OPRM1: variants seen among roughly 807,000 people sequenced by gnomAD.
OPRM1 encodes the protein opioid receptor mu 1.
A neutral mutation model predicts 31.8 loss-of-function variants in OPRM1; 27 were observed. The ratio of observed to expected loss-of-function variants is 0.85; its 90% confidence interval spans 0.63 to 1.17. OPRM1 has a LOEUF of 1.17. Ranked by LOEUF, OPRM1 falls within the 50% of genes most tolerant of loss-of-function variation. The probability of loss-of-function intolerance (pLI) is 0.00; values close to 1 mark genes in which losing one functional copy is unlikely to be tolerated. For missense variants in OPRM1, 536 were observed against 511.1 expected (o/e 1.05, Z -0.47); for synonymous variants, 196 against 189.9 (o/e 1.03, Z -0.26).
At chr6:154,054,987 G>T (rs572982610) in intron 1 of OPRM1, among the ~76,000 whole-genome samples, 1 of 152,302 alleles carries the variant, frequency 6.6e-6, no homozygotes, top group African/African-American at 2.4e-5. Flanking sequence ...AATCTCATTA[G>T]TTAAACCTTA....
At chr6:154,099,452 G>C (rs1794076545) in intron 3 of OPRM1, among the ~76,000 whole-genome samples, 1 of 76,330 alleles carries the variant, frequency 1.3e-5, no homozygotes, top group African/African-American at 4.8e-5. Context: ...AAGAAAGAAA[G>C]AGAGAAAGAA....
intron 3 of OPRM1, among the ~76,000 whole-genome samples, chr6:154,100,143 AT>A (rs1397471811): frequency 1.0e-5 from 1 of 99,574 alleles, no homozygotes; most frequent in Non-Finnish European, 1.9e-5. Context: ...TATAATATAT[AT>A]TATCATATTA....
chr6:154,183,761 T>C (rs781206921), intron 3 of OPRM1, among the ~76,000 whole-genome samples: 76 of 151,826 alleles, frequency 5.0e-4, no homozygotes, highest in Non-Finnish European at 9.6e-4. Context: ...TAGCCAGGTG[T>C]AGTGCATGCC....
intron 3 of OPRM1, among the ~76,000 whole-genome samples, chr6:154,208,752 C>A (rs1441816895): frequency 1.3e-5 from 2 of 152,172 alleles, no homozygotes; most frequent in Non-Finnish European, 2.9e-5. Context: ...CACTTTGTAG[C>A]TTATAAAATT....
chr6:154,108,928 A>C (rs1796007243), intron 3 of OPRM1: 1 of 985,026 alleles, frequency 1.0e-6, no homozygotes, highest in Non-Finnish European at 1.2e-6. Flanking sequence ...CCAACTATAG[A>C]AACATAGAAT....
intron 3 of OPRM1, among the ~76,000 whole-genome samples, chr6:154,183,585 T>C (rs544368073): frequency 5.1e-4 from 78 of 152,308 alleles, no homozygotes; most frequent in African/African-American, 1.7e-3. Flanking sequence ...ATGTTCTAAC[T>C]ACCATACTGA....
At chr6:154,034,571 A>T (rs951384038), upstream of OPRM1, among the ~76,000 whole-genome samples, 3 of 152,038 alleles carry the variant, frequency 2.0e-5, no homozygotes, top group Non-Finnish European at 4.4e-5. Context: ...AAATAAAATA[A>T]AATATAATGA....
At chr6:154,142,447 G>C (rs1430396210) in intron 3 of OPRM1, among the ~76,000 whole-genome samples, 2 of 152,194 alleles carry the variant, frequency 1.3e-5, no homozygotes, top group East Asian at 3.9e-4. Flanking sequence ...CCTCAGGCGA[G>C]CATGTGTACA....
intron 3 of OPRM1, among the ~76,000 whole-genome samples, chr6:154,152,330 A>AGGAAGGAAG (rs373911988): frequency 2.2e-5 from 1 of 44,938 alleles, no homozygotes; most frequent in South Asian, 1.0e-3. Flanking sequence ...AAAGAAAGAA[A>AGGAAGGAAG]GAAAGAAAGA....
chr6:154,092,075 TG>T, intron 3 of OPRM1: 9 of 235,524 alleles, frequency 3.8e-5, no homozygotes, highest in Non-Finnish European at 6.2e-5. Flanking sequence ...ATTATTAATA[TG>T]TGAATATTAA....
At chr6:154,072,643 A>C (rs1050917212) in intron 1 of OPRM1, among the ~76,000 whole-genome samples, 2 of 152,248 alleles carry the variant, frequency 1.3e-5, no homozygotes, top group Non-Finnish European at 2.9e-5. Context: ...ACATTAGTTT[A>C]TGAAAATGAC....
intron 3 of OPRM1, among the ~76,000 whole-genome samples, chr6:154,142,386 A>C (rs1798241315): frequency 3.3e-5 from 3 of 92,246 alleles, no homozygotes; most frequent in Admixed American, 2.4e-4. Flanking sequence ...TTAAGAGGCA[A>C]AATGGGTAGT....
At chr6:154,085,021 C>G (rs540358398) in intron 1 of OPRM1, among the ~76,000 whole-genome samples, 1 of 152,028 alleles carries the variant, frequency 6.6e-6, no homozygotes, top group African/African-American at 2.4e-5. Context: ...AACTGAGACA[C>G]GATCACCACA....
chr6:154,200,912 T>C (rs1275880505), intron 3 of OPRM1, among the ~76,000 whole-genome samples: 1 of 152,062 alleles, frequency 6.6e-6, no homozygotes, highest in South Asian at 2.1e-4. Flanking sequence ...AAATCTCACC[T>C]CGAATTGTAA....
At chr6:154,075,450 CA>C (rs1217233769) in intron 1 of OPRM1, among the ~76,000 whole-genome samples, 4 of 138,672 alleles carry the variant, frequency 2.9e-5, no homozygotes, top group African/African-American at 1.2e-4. Flanking sequence ...CTAAAATAAG[CA>C]CTTTTTTTTT....
At chr6:154,137,895 G>A (rs1674726747) in intron 3 of OPRM1, among the ~76,000 whole-genome samples, 1 of 152,176 alleles carries the variant, frequency 6.6e-6, no homozygotes. Context: ...AGAACTCAGG[G>A]CTGAGACCCA....
At chr6:154,020,031 G>A (rs986088066) in intron 1 of OPRM1, among the ~76,000 whole-genome samples, 1 of 152,070 alleles carries the variant, frequency 6.6e-6, no homozygotes, top group Non-Finnish European at 1.5e-5. Flanking sequence ...ACCGCACCCA[G>A]CTGATAGCTT....
At chr6:154,200,136 T>G (rs1562537614) in intron 3 of OPRM1, 5 of 1,167,142 alleles carry the variant, frequency 4.3e-6, no homozygotes, top group East Asian at 5.1e-5. Flanking sequence ...GTCCCCGTGT[T>G]ATTTCAAAAA....
At chr6:154,010,865 G>T in exon 1 of OPRM1, 1 of 1,333,026 alleles carries the variant, frequency 7.5e-7, no homozygotes. Flanking sequence ...TCTTGTGGTT[G>T]CTACATGCAA....
Sources: allele counts gnomAD v4.1 joint callset (sites outside exome capture counted in the v4.1 genomes callset), GRCh38; gene constraint gnomAD v4.1.1; transcripts MANE v1.5; gene names NCBI Gene and HGNC (gene_info 2026-07-23, HGNC 2026-07-21).